The following TMPRSS11A variants were observed in gnomAD, a reference collection of about 807,000 sequenced individuals.
TMPRSS11A encodes the protein transmembrane protease serine 11A.
Under a neutral mutation model 58.9 loss-of-function variants are expected in TMPRSS11A, and 53 were observed. The ratio of observed to expected loss-of-function variants is 0.90; its 90% CI spans 0.72 to 1.13. The LOEUF (loss-of-function observed/expected upper bound fraction) is 1.13, where lower values mean the gene tolerates loss of function less well. Ranked by LOEUF, TMPRSS11A falls within the 50% of genes most tolerant of loss-of-function variation. TMPRSS11A has a pLI of 0.00. For missense variants in TMPRSS11A, 493 were observed against 499.3 expected, an observed-to-expected ratio of 0.99 and a Z score of 0.12; for synonymous variants, 167 against 169.8, an observed-to-expected ratio of 0.98 and a Z score of 0.13.
chr4:67,944,818 T>C (rs1236446353), intron 2 of TMPRSS11A, among the ~76,000 whole-genome samples, 181 bp from the exon 3 acceptor site: 2 of 152,210 alleles, frequency 1.3e-5, no homozygotes, highest in Admixed American at 1.3e-4. Context: ...ATTGAGTTTC[T>C]ACAATATGGC....
intron 1 of TMPRSS11A, among the ~76,000 whole-genome samples, chr4:67,956,194 C>T (rs909209042): frequency 6.6e-6 from 1 of 151,976 alleles, no homozygotes; most frequent in South Asian, 2.1e-4. Context: ...TAGGTGATCT[C>T]GTGTAATTGT....
intron 1 of TMPRSS11A, among the ~76,000 whole-genome samples, chr4:67,951,726 T>C (rs1003501511): frequency 3.3e-5 from 5 of 152,212 alleles, no homozygotes; most frequent in African/African-American, 1.2e-4. Context: ...ATACACTATC[T>C]GATTTTAAAA....
intron 9 of TMPRSS11A, among the ~76,000 whole-genome samples, chr4:67,912,111 A>G (rs1312784402): frequency 6.6e-6 from 1 of 152,168 alleles, no homozygotes; most frequent in African/African-American, 2.4e-5. Context: ...TTGCTTTCCT[A>G]GAATTAATAA....
At chr4:67,933,287 T>C (rs577116301) in intron 3 of TMPRSS11A, among the ~76,000 whole-genome samples, 1 of 152,172 alleles carries the variant, frequency 6.6e-6, no homozygotes, top group Non-Finnish European at 1.5e-5. Context: ...CTGTTAGAAA[T>C]CTGTGACTCA....
intron 3 of TMPRSS11A, among the ~76,000 whole-genome samples, chr4:67,940,289 T>C (rs1720849384): frequency 6.6e-6 from 1 of 152,200 alleles, no homozygotes; most frequent in Non-Finnish European, 1.5e-5. Flanking sequence ...TTCTTTGGAA[T>C]AGTTTCACTA....
At chr4:67,937,035 TGAGA>T (rs1010802168) in intron 3 of TMPRSS11A, among the ~76,000 whole-genome samples, 3 of 152,272 alleles carry the variant, frequency 2.0e-5, no homozygotes, top group East Asian at 1.9e-4. Context: ...GATTAGTTTA[TGAGA>T]GAGAGAGAAT....
intron 7 of TMPRSS11A, 79 bp from the exon 8 acceptor site, chr4:67,919,311 T>C: frequency 7.6e-7 from 1 of 1,321,740 alleles, no homozygotes; most frequent in Non-Finnish European, 1.1e-6. Context: ...TTTAGGCTAA[T>C]ATAAGAGAAA....
chr4:67,923,852 T>G (rs2109742155), intron 6 of TMPRSS11A, among the ~76,000 whole-genome samples: 1 of 152,348 alleles, frequency 6.6e-6, no homozygotes, highest in South Asian at 2.1e-4. Flanking sequence ...TTTTATGGCA[T>G]TTTTAAAAAT....
chr4:67,939,702 T>G (rs911276875), intron 3 of TMPRSS11A, among the ~76,000 whole-genome samples: 29 of 152,100 alleles, frequency 1.9e-4, no homozygotes, highest in Non-Finnish European at 3.7e-4. Context: ...ATTTTTAATT[T>G]TTTTGAGATG....
Position 67,915,246 on chromosome 4 carries a change from T to C in TMPRSS11A, c.953-516A>G, listed in dbSNP as rs373948854. On this transcript the variant is annotated intron_variant, in intron 8 of 9. Transcript: ENST00000508048. ...ATGCATTAAACGGCAATGATTTCAC[T>C]TCCAATGTATTACAAGTTGGTGGCT... Among the ~76,000 whole-genome samples the C allele has an allele frequency of 1.2e-3, 182 of 152,306 alleles. 4 individuals are homozygous for C. The South Asian group carries it at 0.037, about 31-fold the overall frequency.
chr4:67,946,708 T>C, intron 1 of TMPRSS11A, 137 bp from the exon 2 acceptor site: 1 of 797,220 alleles, frequency 1.3e-6, no homozygotes, highest in Non-Finnish European at 1.8e-6. Context: ...AATGTCATCT[T>C]GGTCTGAGAA....
intron 3 of TMPRSS11A, among the ~76,000 whole-genome samples, chr4:67,942,647 A>C (rs920699477): frequency 4.6e-5 from 7 of 152,212 alleles, no homozygotes; most frequent in Non-Finnish European, 1.0e-4. Context: ...GTGCACACTG[A>C]GTCAGCCATT....
At chr4:67,955,089 T>A (rs1721253426) in intron 1 of TMPRSS11A, among the ~76,000 whole-genome samples, 1 of 152,156 alleles carries the variant, frequency 6.6e-6, no homozygotes, top group Admixed American at 6.5e-5. Context: ...GATTTTAAGA[T>A]CATCTTGGAG....
intron 2 of TMPRSS11A, 114 bp downstream of exon 2, chr4:67,946,336 G>A: frequency 5.7e-6 from 6 of 1,057,990 alleles, no homozygotes; most frequent in Non-Finnish European, 5.2e-6. Context: ...TATACTCTGT[G>A]GAAATTTGAA....
chr4:67,929,989 G>T lies in TMPRSS11A; in HGVS notation c.372C>A (p.Pro124=). The change falls in exon 5 of 10, where the codon CCC becomes CCA. Residue 124 remains proline, a synonymous_variant. Transcript: ENST00000508048. Reference sequence around the variant, plus strand: ...CTCTTACTGCCCTTTGTTCAGTAGAGGGGAACTGGAACACCATAATGACAT... The same window carrying T: ...CTCTTACTGCCCTTTGTTCAGTAGATGGGAACTGGAACACCATAATGACAT... ...KVDVIMVFQF[P]STEQRAVREK... 1.9e-6 allele frequency: 3 copies of T among 1,613,508 alleles called. No individual in the cohort carries two copies. The highest frequency in any genetic ancestry group is 2.5e-6 in the Non-Finnish European group (3 of 1,179,522).
chr4:67,960,069 C>A (rs1168381131), intron 1 of TMPRSS11A, among the ~76,000 whole-genome samples: 6 of 152,034 alleles, frequency 3.9e-5, no homozygotes, highest in Non-Finnish European at 5.9e-5. Flanking sequence ...GAACAGAAAA[C>A]CAAATACCAC....
In TMPRSS11A at chr4:67,963,419, C is replaced by A; in HGVS notation, c.-26G>T. 6.2e-7 allele frequency: 1 copy of A among 1,612,872 alleles called. No individual in the cohort carries two copies. The highest frequency in any genetic ancestry group is 8.5e-7 in the Non-Finnish European group (1 of 1,179,498). On this transcript the variant is annotated 5_prime_UTR_variant, in exon 1 of 10. Transcript: ENST00000508048. ...GTACAGGAGGAAGAATATGATCTTG[C>A]AGGTCTGCACCCACTGAACTCAACT...
chr4:67,954,505 C>G (rs1197274310), intron 1 of TMPRSS11A, among the ~76,000 whole-genome samples: 3 of 152,210 alleles, frequency 2.0e-5, no homozygotes, highest in African/African-American at 7.2e-5. Flanking sequence ...AGTTAAAGGT[C>G]CCTCTCTAGC....
intron 7 of TMPRSS11A, among the ~76,000 whole-genome samples, chr4:67,920,676 A>C (rs1720302173): frequency 6.6e-6 from 1 of 151,842 alleles, no homozygotes. Context: ...GGTTTGTTAC[A>C]CAGGTAAACT....
Sources: allele counts gnomAD v4.1 joint callset (sites outside exome capture counted in the v4.1 genomes callset), GRCh38; gene constraint gnomAD v4.1.1; transcripts MANE v1.5; gene names NCBI Gene and HGNC (gene_info 2026-07-23, HGNC 2026-07-21).